Variants in SPAG16 observed in about 807,000 individuals in gnomAD.
The protein encoded by SPAG16 is sperm-associated antigen 16 protein.
A neutral mutation model predicts 80.4 loss-of-function variants in SPAG16; 86 were observed. That is an observed-to-expected ratio of 1.07 (90% confidence interval 0.90 to 1.28). SPAG16 has a LOEUF of 1.28. Ranked by LOEUF, SPAG16 falls within the 50% of genes most tolerant of loss-of-function variation. SPAG16 has a pLI of 0.00. For missense variants in SPAG16, 870 were observed against 765.3 expected, an observed-to-expected ratio of 1.14 and a Z score of -1.61; for synonymous variants, 294 against 265.9, an observed-to-expected ratio of 1.11 and a Z score of -1.03.
At position 214,219,922 on chromosome 2, in the gene SPAG16, C is replaced by G. The variant is rs929339348; in HGVS notation, c.1720+70656C>G. ...AGTATAAACCTTATTAATAAACTTA[C>G]TACACATGAAAAAAGATAATTTAGC... On this transcript the variant is annotated intron_variant, in intron 15 of 15. Coordinates refer to ENST00000331683, the MANE Select transcript of SPAG16 (RefSeq NM_024532.5). Among the ~76,000 whole-genome samples, 58 of 152,008 alleles carry G rather than the reference C, an allele frequency of 3.8e-4. 1 individual carries two copies. The highest frequency in any genetic ancestry group is 5.9e-5 in the Non-Finnish European group (4 of 67,966).
intron 10 of SPAG16, among the ~76,000 whole-genome samples, chr2:213,566,396 G>A (rs1452733142): frequency 6.6e-6 from 1 of 152,024 alleles, no homozygotes. Flanking sequence ...CCTTGTCTAA[G>A]GGTCAATTTG....
At chr2:213,525,601 C>T (rs2075860208) in intron 10 of SPAG16, among the ~76,000 whole-genome samples, 1 of 151,998 alleles carries the variant, frequency 6.6e-6, no homozygotes, top group African/African-American at 2.4e-5. Context: ...AAACCTCTTT[C>T]TTTATAAATT....
intron 12 of SPAG16, among the ~76,000 whole-genome samples, chr2:213,949,179 T>TTTTTTTTG (rs1553677663): frequency 8.3e-5 from 3 of 36,244 alleles, no homozygotes; most frequent in Non-Finnish European, 1.6e-4. Flanking sequence ...GTTTTTTTTT[T>TTTTTTTTG]TTTTTTTTTT....
chr2:213,350,643 C>T lies in SPAG16; in HGVS notation c.760C>T (p.Gln254Ter). ...TSLERDKVVGQISGLQETLKK... is the reference protein window; with the variant it reads ...TSLERDKVVG ...CTTGGAAAGAGACAAAGTAGTTGGG[C>T]AGGTAAAGATATAGTCAAAGCTAAC... is the stretch of plus-strand genomic sequence containing the variant. The change falls in exon 7 of 16, where the codon CAG becomes TAG. Residue 254 changes from glutamine (Q) to a stop codon, truncating the protein, a stop_gained and splice_region_variant. Transcript: ENST00000331683. LOFTEE classifies it high-confidence loss of function. The T allele has an allele frequency of 6.4e-7, 1 of 1,557,088 alleles. No homozygotes were observed. The highest frequency in any genetic ancestry group is 1.9e-5 in the Admixed American group (1 of 51,606).
intron 9 of SPAG16, among the ~76,000 whole-genome samples, chr2:213,477,071 G>C (rs2073442240): frequency 1.3e-5 from 2 of 152,054 alleles, no homozygotes; most frequent in Non-Finnish European, 2.9e-5. Context: ...CCATGGGTGG[G>C]CTCGAAAAAG....
intron 9 of SPAG16, among the ~76,000 whole-genome samples, chr2:213,380,137 C>T (rs547134845): frequency 5.1e-4 from 78 of 152,302 alleles, no homozygotes; most frequent in African/African-American, 1.8e-3. Flanking sequence ...TGGCTGCAGC[C>T]GTAAGTCAGC....
intron 15 of SPAG16, among the ~76,000 whole-genome samples, chr2:214,207,644 C>A (rs1359068447): frequency 1.3e-5 from 2 of 152,062 alleles, no homozygotes; most frequent in African/African-American, 4.8e-5. Flanking sequence ...GGAAGGATGC[C>A]TAGATAGCTG....
chr2:213,891,972 A>C (rs2076800551), intron 11 of SPAG16, among the ~76,000 whole-genome samples: 1 of 152,164 alleles, frequency 6.6e-6, no homozygotes, highest in Non-Finnish European at 1.5e-5. Context: ...ACAAGTACTT[A>C]AAGGGATAAA....
At chr2:214,258,504 T>C (rs899402071) in intron 15 of SPAG16, among the ~76,000 whole-genome samples, 16 of 146,366 alleles carry the variant, frequency 1.1e-4, no homozygotes, top group Non-Finnish European at 1.8e-4. Context: ...CACACACATA[T>C]ATGTACATAT....
chr2:214,318,562 G>A (rs1212807465), intron 15 of SPAG16, among the ~76,000 whole-genome samples: 1 of 151,656 alleles, frequency 6.6e-6, no homozygotes, highest in Admixed American at 6.6e-5. Flanking sequence ...TTTGTAGAGA[G>A]ATGGGGTCTC....
chr2:213,812,996 A>G (rs2072276713), intron 10 of SPAG16, among the ~76,000 whole-genome samples: 2 of 152,322 alleles, frequency 1.3e-5, no homozygotes, highest in African/African-American at 4.8e-5. Context: ...AAGAAAAGAA[A>G]TGAAAGTTAT....
intron 10 of SPAG16, among the ~76,000 whole-genome samples, chr2:213,643,431 A>G (rs1342219346): frequency 8.9e-6 from 1 of 112,644 alleles, no homozygotes; most frequent in Non-Finnish European, 1.8e-5. Flanking sequence ...TGCTGCTGTT[A>G]TGATCCTTTC....
chr2:213,602,290 C>T (rs140570168), intron 10 of SPAG16, among the ~76,000 whole-genome samples: 4 of 152,222 alleles, frequency 2.6e-5, no homozygotes, highest in Admixed American at 6.5e-5. Context: ...ATTAAGTGAC[C>T]CAGATCTATA....
intron 12 of SPAG16, among the ~76,000 whole-genome samples, chr2:213,999,044 A>C (rs1029681424): frequency 6.6e-6 from 1 of 152,214 alleles, no homozygotes; most frequent in Non-Finnish European, 1.5e-5. Flanking sequence ...TGTGATAAAA[A>C]AGAAAAACCC....
chr2:213,329,467 CT>C (rs1229218589), intron 5 of SPAG16, among the ~76,000 whole-genome samples: 1 of 152,168 alleles, frequency 6.6e-6, no homozygotes, highest in African/African-American at 2.4e-5. Context: ...TATTTTGCCC[CT>C]GTCCTAGAGA....
At position 213,862,693 on chromosome 2, in the gene SPAG16, G is replaced by C; in HGVS notation, c.1214+65G>C. 2.6e-6 allele frequency: 4 copies of C among 1,541,104 alleles called. No homozygotes were observed. In the East Asian group the frequency reaches 6.8e-5, roughly 26 times the overall value. ...AGGAATGTGCTCCTTTACTCTGTCT[G>C]CTCACTCTGCTGTCTTTGATGATGT... On this transcript the variant is annotated intron_variant, in intron 11 of 15. Transcript: ENST00000331683.
chr2:213,855,121 G>A (rs1424292639), intron 10 of SPAG16, among the ~76,000 whole-genome samples: 1 of 152,070 alleles, frequency 6.6e-6, no homozygotes, highest in Non-Finnish European at 1.5e-5. Flanking sequence ...CCTGAATCTA[G>A]ACAATTTTCA....
At chr2:213,892,705 A>G (rs553049682) in intron 11 of SPAG16, among the ~76,000 whole-genome samples, 2 of 152,316 alleles carry the variant, frequency 1.3e-5, no homozygotes, top group East Asian at 3.9e-4. Context: ...CAGAATGACC[A>G]CGCAGATGAA....
At chr2:213,729,068 T>C (rs1431862586) in intron 10 of SPAG16, among the ~76,000 whole-genome samples, 1 of 152,014 alleles carries the variant, frequency 6.6e-6, no homozygotes, top group East Asian at 1.9e-4. Flanking sequence ...AGAAGTAAAA[T>C]ACGATTAGGA....
Sources: gnomAD v4.1 joint callset for allele counts (sites outside exome capture counted in the v4.1 genomes callset) on GRCh38, gnomAD v4.1.1 for gene constraint, MANE v1.5 for transcripts, NCBI Gene and HGNC (gene_info 2026-07-23, HGNC 2026-07-21) for gene names.